Variants in PLEKHG5 observed in about 807,000 individuals in gnomAD.
PLEKHG5 encodes the protein pleckstrin homology and RhoGEF domain containing G5, also known as pleckstrin homology domain-containing family G member 5.
A neutral mutation model predicts 103.8 loss-of-function variants in PLEKHG5; 52 were observed. That is an observed-to-expected ratio of 0.50 (90% CI 0.40 to 0.63). PLEKHG5 has a LOEUF of 0.63. PLEKHG5 is among the 30% of genes least tolerant of loss of function. PLEKHG5 has a pLI of 0.00. For synonymous variants in PLEKHG5, 592 were observed against 575.5 expected (o/e 1.03, Z -0.41); for missense variants, 1,205 against 1,347.6 (o/e 0.89, Z 1.66).
chr1:6,500,414 C>G (rs1166189563), upstream of PLEKHG5, among the ~76,000 whole-genome samples: 1 of 152,072 alleles, frequency 6.6e-6, no homozygotes, highest in African/African-American at 2.4e-5. Context: ...CCGGGCTTCC[C>G]TTGGGAGCCC....
chr1:6,489,969 CG>C (rs781616847), intron 1 of PLEKHG5, among the ~76,000 whole-genome samples: 4 of 152,230 alleles, frequency 2.6e-5, no homozygotes, highest in African/African-American at 4.8e-5. Context: ...CCCGGATTCA[CG>C]GGTCTCCCGC....
In PLEKHG5 at chr1:6,485,283, T is replaced by G. The variant is rs534856650; in HGVS notation, c.-88+6354A>C. 1.5e-3 allele frequency: 1,886 copies of G among 1,271,518 alleles called. 30 individuals carry two copies. In the African/African-American group the frequency reaches 0.028, roughly 19 times the overall value. The allele number at this position is 1,271,518 out of a possible 1,614,324, so 78.8% of individuals were successfully genotyped here. On this transcript the variant is annotated intron_variant, in intron 1 of 20. Transcript: ENST00000377728. ...GGACTGGGCGGCTGCAGGCGAGAACTGGGCACCCAGCCCCGTTCCCGCCCC... is the reference window on the plus strand; with the variant it reads ...GGACTGGGCGGCTGCAGGCGAGAACGGGGCACCCAGCCCCGTTCCCGCCCC...
chr1:6,509,006 G>C (rs1309428822), intron 1 of PLEKHG5, among the ~76,000 whole-genome samples: 1 of 152,214 alleles, frequency 6.6e-6, no homozygotes, highest in Non-Finnish European at 1.5e-5. Context: ...CGAAGTCACT[G>C]CTGGGTACAG....
chr1:6,505,105 A>C lies in PLEKHG5; in HGVS notation c.-164-8536T>G, dbSNP rs1206181382. Among the ~76,000 whole-genome samples the C allele has an allele frequency of 6.6e-6, 1 of 152,190 alleles. No homozygotes were observed. The highest frequency in any genetic ancestry group is 1.5e-5 in the Non-Finnish European group (1 of 68,038). Reference sequence around the variant, plus strand: ...ATGAGGCTAATGGAGAAGAGAACCCAGGCCCAGGCCCCGGCCCCAGACAGT... The same window carrying C: ...ATGAGGCTAATGGAGAAGAGAACCCCGGCCCAGGCCCCGGCCCCAGACAGT... On this transcript the variant is annotated intron_variant, in intron 1 of 21. Transcript: ENST00000377740. The surrounding 1 kb of genome is among the most constrained non-coding windows in gnomAD (Gnocchi z 4.2).
At chr1:6,477,092 G>C (rs892879547) in intron 2 of PLEKHG5, among the ~76,000 whole-genome samples, 2 of 152,178 alleles carry the variant, frequency 1.3e-5, no homozygotes, top group African/African-American at 4.8e-5. Context: ...CTGGGTCCCT[G>C]CTCAGCAAGA....
At chr1:6,483,629 C>T (rs537709713) in intron 1 of PLEKHG5, among the ~76,000 whole-genome samples, 7 of 152,248 alleles carry the variant, frequency 4.6e-5, no homozygotes, top group Middle Eastern at 6.8e-3. Context: ...CACATTGCTG[C>T]ACTCCAGCCT....
At chr1:6,470,402 C>T (rs1644530552) in intron 15 of PLEKHG5, 47 bp from the exon 16 acceptor site, 1 of 1,613,318 alleles carries the variant, frequency 6.2e-7, no homozygotes, top group South Asian at 1.1e-5. Context: ...GACTGACTCC[C>T]ATCTCAGCTA....
At chr1:6,509,788 A>G (rs748436813) in intron 1 of PLEKHG5, among the ~76,000 whole-genome samples, 3 of 152,204 alleles carry the variant, frequency 2.0e-5, no homozygotes, top group Non-Finnish European at 4.4e-5. Flanking sequence ...AAAATGGGTT[A>G]AGGAGAGAGC....
chr1:6,468,072 C>T lies in PLEKHG5; in HGVS notation c.2764G>A (p.Glu922Lys). Residue 922 changes from glutamate to lysine, a missense_variant, in exon 20 of 21, where the codon GAA (glutamate) becomes AAA (lysine). Transcript: ENST00000377728. The stretch of plus-strand genomic sequence containing the variant: ...CGGCAATCCCAGCTGGGCCCAGCTT[C>T]CTGAGGGGAGCCCTGAGTCCTAATA... ...PGIRTQGSPQ[E>K]AGPSWDCRGA... 6.3e-7 allele frequency: 1 copy of T among 1,580,720 alleles called. No homozygotes were observed. The highest frequency in any genetic ancestry group is 8.6e-7 in the Non-Finnish European group (1 of 1,165,284).
At chr1:6,514,006 T>C (rs1440326324) in intron 1 of PLEKHG5, among the ~76,000 whole-genome samples, 1 of 152,176 alleles carries the variant, frequency 6.6e-6, no homozygotes, top group East Asian at 1.9e-4. Flanking sequence ...TCTGCCTGGA[T>C]CCTGTTCATT....
Position 6,471,554 on chromosome 1 carries a change from C to G in PLEKHG5, c.1215G>C (p.Val405=), listed in dbSNP as rs757671338. The G allele has an allele frequency of 2.5e-6, 4 of 1,605,540 alleles. No homozygotes were observed. In the African/African-American group the frequency reaches 4.0e-5, roughly 16 times the overall value. Residue 405 remains valine, a synonymous_variant, in exon 12 of 21, where the codon GTG becomes GTC. Transcript: ENST00000377728. ...RRLWASVMAP[V]LEKARRTRAL... is the part of the protein sequence containing the mutation. ...CTCGCGTGCGCCGCGCCTTCTCCAGCACCGGCGCCATCACGCTAGCCCACA... is the reference window on the plus strand; with the variant it reads ...CTCGCGTGCGCCGCGCCTTCTCCAGGACCGGCGCCATCACGCTAGCCCACA...
chr1:6,491,555 T>G lies in PLEKHG5; in HGVS notation c.-88+82A>C. ...CCAGAGATGGCCCAAACCTGGCCAT[T>G]CCCTGGGGCATCCTGGTCTGCCGCT... On this transcript the variant is annotated intron_variant, in intron 1 of 20. Coordinates refer to ENST00000377728, the MANE Select transcript of PLEKHG5 (RefSeq NM_020631.6). The surrounding 1 kb of genome is among the most constrained non-coding windows in gnomAD (Gnocchi z 4.1). 1.4e-6 allele frequency: 1 copy of G among 715,958 alleles called. No homozygotes were observed. Among genetic ancestry groups the G allele is most frequent in the African/African-American group, 1.9e-5 (1 of 51,282 alleles). The allele number at this position is 715,958 out of a possible 1,614,324, so 44.4% of individuals were successfully genotyped here. A position where few individuals can be genotyped will look rare whatever the true frequency, so the allele number is the denominator to read the frequency against.
chr1:6,501,351 T>G (rs1487002437), upstream of PLEKHG5, among the ~76,000 whole-genome samples: 4 of 152,164 alleles, frequency 2.6e-5, no homozygotes, highest in East Asian at 7.7e-4. This position sits in a 1 kb window ranked among gnomAD's most constrained non-coding sequence, Gnocchi z 4.3. Context: ...TCCTGCCCAC[T>G]CTTCAAGGCC....
intron 1 of PLEKHG5, among the ~76,000 whole-genome samples, chr1:6,479,061 C>T (rs1190291063): frequency 1.3e-5 from 2 of 152,248 alleles, no homozygotes; most frequent in East Asian, 1.9e-4. Context: ...ATTCTCTTCT[C>T]GGCACCCCCC....
rs1465542304 is a variant in PLEKHG5, at chr1:6,467,761, G to A, written c.3011+64C>T. ...CCCTCCCCAAATGCGATGCTCCCAG[G>A]CATGAGTGGGCCCCCATGCCAGTGC... On this transcript the variant is annotated intron_variant, in intron 20 of 20. Transcript: ENST00000377728. 2.5e-6 allele frequency: 4 copies of A among 1,576,734 alleles called. No homozygotes were observed. In the African/African-American group the frequency reaches 4.0e-5, roughly 16 times the overall value.
chr1:6,471,797 G>A lies in PLEKHG5; in HGVS notation c.1092C>T (p.Cys364=), dbSNP rs768627872. Residue 364 remains cysteine (C), a synonymous_variant, in exon 11 of 21, where the codon TGC becomes TGT. Coordinates refer to ENST00000377728, the MANE Select transcript of PLEKHG5 (RefSeq NM_020631.6). ...CTGACTCTTGCAGGTTCAGGAGGCA[G>A]CACAGGAACAGCTGTGGGATCAGGG... is the stretch of plus-strand genomic sequence containing the variant. The part of the protein sequence containing the change: ...KLRVIINLFL[C]CLLNLQESGL... 1 of 1,609,340 alleles carries A rather than the reference G, an allele frequency of 6.2e-7. No homozygotes were observed. The highest frequency in any genetic ancestry group is 8.5e-7 in the Non-Finnish European group (1 of 1,178,098).
exon 1 of PLEKHG5, chr1:6,519,647 A>C: frequency 1.4e-6 from 1 of 728,146 alleles, no homozygotes; most frequent in Non-Finnish European, 2.5e-6. Flanking sequence ...CTTCTCCCCG[A>C]CTCAGCCCCA....
intron 1 of PLEKHG5, among the ~76,000 whole-genome samples, chr1:6,479,395 T>G (rs1395626649): frequency 6.8e-6 from 1 of 147,242 alleles, no homozygotes; most frequent in African/African-American, 2.5e-5. Context: ...CACACCATTC[T>G]CCTGCCTCAG....
rs1488967149 is a variant in PLEKHG5 at position 6,468,661 on chromosome 1, C to T, written c.2250-75G>A. 1.2e-5 allele frequency: 18 copies of T among 1,529,544 alleles called. 1 individual carries two copies. 94.7% of individuals were successfully genotyped at this position (1,529,544 alleles called of 1,614,324 possible). On this transcript the variant is annotated intron_variant, in intron 19 of 20. Transcript: ENST00000377728. ...TGAGGCAGCCCCAGGCTGGGCAATGCACGGTGGTTTATACCCTCTGCCCTC... is the reference window on the plus strand; with the variant it reads ...TGAGGCAGCCCCAGGCTGGGCAATGTACGGTGGTTTATACCCTCTGCCCTC...
Sources: allele counts gnomAD v4.1 joint callset (sites outside exome capture counted in the v4.1 genomes callset), GRCh38; gene constraint gnomAD v4.1.1; non-coding constraint Gnocchi (gnomAD v3.1); transcripts MANE v1.5; gene names NCBI Gene and HGNC (gene_info 2026-07-23, HGNC 2026-07-21).